The following LGR5 variants were observed in gnomAD, a reference collection of about 807,000 sequenced individuals.
The protein encoded by LGR5 is leucine-rich repeat-containing G protein-coupled receptor 5.
In LGR5, 54 loss-of-function variants were observed where a neutral mutation model predicts 76.7. The observed-to-expected ratio is 0.70, with a 90% CI of 0.57 to 0.88. The LOEUF (loss-of-function observed/expected upper bound fraction) is 0.88, where lower values mean the gene tolerates loss of function less well. LGR5 is among the 40% of genes least tolerant of loss of function. LGR5 has a pLI of 0.00. For missense variants in LGR5, 1,078 were observed against 1,073.3 expected (o/e 1.00, Z -0.06); for synonymous variants, 406 against 421.9 (o/e 0.96, Z 0.46).
At chr12:71,533,197 T>C (rs1336762001) in intron 3 of LGR5, among the ~76,000 whole-genome samples, 2 of 151,916 alleles carry the variant, frequency 1.3e-5, no homozygotes, top group Admixed American at 6.6e-5. Context: ...ATACAAAAAT[T>C]AGCCGGGCAC....
intron 1 of LGR5, among the ~76,000 whole-genome samples, chr12:71,496,710 A>G (rs953255605): frequency 6.6e-6 from 1 of 152,234 alleles, no homozygotes; most frequent in African/African-American, 2.4e-5. Context: ...GAGTGGGTAC[A>G]TAAATTGTGG....
intron 1 of LGR5, among the ~76,000 whole-genome samples, chr12:71,493,770 C>CTTT (rs57504416): frequency 0.019 from 2,405 of 129,500 alleles, 201 homozygotes; most frequent in African/African-American, 0.072. Context: ...AGTAAATAAG[C>CTTT]TTTTTTTTTT....
rs181764769 is a variant in LGR5 at position 71,547,195 on chromosome 12, T to C, written c.429-5878T>C. ...TCTTGCACCAGGTGTTATAATATTT[T>C]TCCTCAGCCATTTTAGCCTTTTGGA... On this transcript the variant is annotated intron_variant, in intron 4 of 17. Transcript: ENST00000266674. Among the ~76,000 whole-genome samples, 25 of 152,356 alleles carry C rather than the reference T, an allele frequency of 1.6e-4. No homozygotes were observed. The East Asian group carries it at 4.8e-3, about 29-fold the overall frequency.
At chr12:71,518,994 A>T (rs979353465) in intron 2 of LGR5, among the ~76,000 whole-genome samples, 3 of 152,186 alleles carry the variant, frequency 2.0e-5, no homozygotes, top group Admixed American at 6.5e-5. Flanking sequence ...TTAAATAAAT[A>T]TATAACAAAA....
chr12:71,523,311 C>T (rs1420685688), intron 2 of LGR5, among the ~76,000 whole-genome samples: 1 of 152,016 alleles, frequency 6.6e-6, no homozygotes, highest in African/African-American at 2.4e-5. Flanking sequence ...CACTAGTCAA[C>T]TGGACCAACA....
At position 71,584,811 on chromosome 12, in the gene LGR5, A is replaced by G. The variant is rs377522160; in HGVS notation, c.*77A>G. ...ATTGAGTATATCAGAGCAGTAATTAATAAGAAGAGCTGAGGTGAAACTCGG... is the reference window on the plus strand; with the variant it reads ...ATTGAGTATATCAGAGCAGTAATTAGTAAGAAGAGCTGAGGTGAAACTCGG... On this transcript the variant is annotated 3_prime_UTR_variant, in exon 18 of 18. Transcript: ENST00000266674. 4.2e-5 allele frequency: 60 copies of G among 1,443,758 alleles called. No homozygotes were observed. The highest frequency in any genetic ancestry group is 3.9e-4 in the Middle Eastern group (2 of 5,150). 89.4% of individuals were successfully genotyped at this position (1,443,758 alleles called of 1,614,324 possible).
chr12:71,538,714 C>T (rs1876726744), intron 4 of LGR5, among the ~76,000 whole-genome samples: 1 of 151,492 alleles, frequency 6.6e-6, no homozygotes, highest in African/African-American at 2.4e-5. Context: ...ATAAAATTGG[C>T]TGGGCGTCAT....
At chr12:71,472,109 T>G (rs1873129589) in intron 1 of LGR5, among the ~76,000 whole-genome samples, 1 of 152,158 alleles carries the variant, frequency 6.6e-6, no homozygotes, top group South Asian at 2.1e-4. Flanking sequence ...AAGAATTTAT[T>G]CATGTAACCA....
chr12:71,541,206 T>C (rs1214792061), intron 4 of LGR5, among the ~76,000 whole-genome samples: 1 of 152,180 alleles, frequency 6.6e-6, no homozygotes, highest in Non-Finnish European at 1.5e-5. Context: ...TCCTTCTACA[T>C]AATGTTTACA....
At chr12:71,563,353 A>G (rs1280606) in intron 8 of LGR5, among the ~76,000 whole-genome samples, 133,984 of 152,056 alleles carry the variant, frequency 0.88, 61,008 homozygotes, top group East Asian at 1. Context: ...CTCTCTGCCA[A>G]CCATGACATC....
intron 1 of LGR5, among the ~76,000 whole-genome samples, chr12:71,479,215 T>C (rs1289972459): frequency 6.6e-6 from 1 of 152,244 alleles, no homozygotes; most frequent in East Asian, 1.9e-4. Context: ...TAATCATTTT[T>C]AGAAGTGCAT....
chr12:71,540,114 C>G (rs1175241181), intron 4 of LGR5, among the ~76,000 whole-genome samples: 2 of 152,098 alleles, frequency 1.3e-5, no homozygotes, highest in Non-Finnish European at 2.9e-5. Flanking sequence ...CTTAACCCTC[C>G]CATACCCTCA....
chr12:71,535,281 G>A, intron 4 of LGR5, 95 bp downstream of exon 4: 1 of 811,192 alleles, frequency 1.2e-6, no homozygotes, highest in South Asian at 1.5e-5. Flanking sequence ...TCCTTGGTTG[G>A]GAGTCATACC....
rs375163459 is a variant in LGR5, at chr12:71,440,255, G to C, written c.175G>C (p.Glu59Gln). Residue 59 changes from glutamate (E) to glutamine (Q), a missense_variant, in exon 1 of 18, where the codon GAG (glutamate) becomes CAG (glutamine). Coordinates refer to ENST00000266674, the MANE Select transcript of LGR5 (RefSeq NM_003667.4). The surrounding 1 kb of genome is among the most constrained non-coding windows in gnomAD (Gnocchi z 5.3). ...RVDCSDLGLSELPSNLSVFTS... is the reference protein window; with the variant it reads ...RVDCSDLGLSQLPSNLSVFTS... ...GGACTGCTCCGACCTGGGGCTCTCG[G>C]AGCTGCCTTCCAACCTCAGCGTCTT... 1.1e-5 allele frequency: 18 copies of C among 1,613,010 alleles called. No homozygotes were observed. The highest frequency in any genetic ancestry group is 1.4e-5 in the Non-Finnish European group (17 of 1,179,980).
rs1016689059 is a variant in LGR5, at chr12:71,440,859, C to T, written c.212+567C>T. Among the ~76,000 whole-genome samples, 8 of 151,950 alleles carry T rather than the reference C, an allele frequency of 5.3e-5. No individual in the cohort carries two copies. Among genetic ancestry groups the T allele is most frequent in the Admixed American group, 2.6e-4 (4 of 15,272 alleles). ...TCCTTCCTCCCTTCTTCCTTCCTTC[C>T]CTCCCTCCTTTCTTTTTATTTTCTT... On this transcript the variant is annotated intron_variant, in intron 1 of 17. Coordinates refer to ENST00000266674, the MANE Select transcript of LGR5 (RefSeq NM_003667.4). This position sits in a 1 kb window ranked among gnomAD's most constrained non-coding sequence, Gnocchi z 5.3.
chr12:71,566,275 GGAAT>G, intron 8 of LGR5, 125 bp from the exon 9 acceptor site: 1 of 645,522 alleles, frequency 1.5e-6, no homozygotes, highest in East Asian at 2.8e-5. Flanking sequence ...CAAGGAATTG[GGAAT>G]GTTATGTAAT....
intron 4 of LGR5, among the ~76,000 whole-genome samples, chr12:71,549,729 GA>G (rs1877380756): frequency 6.6e-6 from 1 of 152,128 alleles, no homozygotes; most frequent in Non-Finnish European, 1.5e-5. Context: ...CATTTATTGA[GA>G]GCTTCTTATA....
chr12:71,512,164 G>A (rs1161489502), intron 2 of LGR5, among the ~76,000 whole-genome samples: 1 of 151,990 alleles, frequency 6.6e-6, no homozygotes, highest in African/African-American at 2.4e-5. Flanking sequence ...GCTAATTTTT[G>A]CATTTTAGTA....
At chr12:71,568,987 A>G (rs1176592173) in intron 11 of LGR5, among the ~76,000 whole-genome samples, 1 of 152,226 alleles carries the variant, frequency 6.6e-6, no homozygotes, top group African/African-American at 2.4e-5. Context: ...AGGTAGCCAC[A>G]GGAATTAAAC....
Sources: gnomAD v4.1 joint callset for allele counts (sites outside exome capture counted in the v4.1 genomes callset) on GRCh38, gnomAD v4.1.1 for gene constraint, Gnocchi (gnomAD v3.1) non-coding constraint, MANE v1.5 for transcripts, NCBI Gene and HGNC (gene_info 2026-07-23, HGNC 2026-07-21) for gene names.